The following EPG5 variants were observed in gnomAD, a reference collection of about 807,000 sequenced individuals.
The protein encoded by EPG5 is ectopic P-granules 5 autophagy tethering factor.
EPG5 carries 159 observed loss-of-function variants against 302.7 expected under a neutral mutation model. The ratio of observed to expected loss-of-function variants is 0.53; its 90% CI spans 0.46 to 0.60. EPG5 has a LOEUF of 0.60. Among genes scored for constraint, EPG5 ranks in the 20% least tolerant of loss-of-function variants. The probability of loss-of-function intolerance (pLI) is 0.00; values close to 1 mark genes in which losing one functional copy is unlikely to be tolerated. For synonymous variants in EPG5, 1,158 were observed against 1,136.8 expected (o/e 1.02, Z -0.37); for missense variants, 2,896 against 3,092.4 (o/e 0.94, Z 1.51).
Position 45,878,371 on chromosome 18 carries a change from T to C in EPG5, c.5942+5A>G. 1 of 1,590,942 alleles carries C rather than the reference T, an allele frequency of 6.3e-7. No individual in the cohort carries two copies. The highest frequency in any genetic ancestry group is 8.6e-7 in the Non-Finnish European group (1 of 1,159,814). On this transcript the variant is annotated splice_donor_5th_base_variant and intron_variant, in intron 34 of 43. Transcript: ENST00000282041. ...AGGAATTTGAATATCTAAAAAACTG[T>C]TTACCTTTCGTTGTCCTCTAAAACC...
the EPG5 span, among the ~76,000 whole-genome samples, chr18:45,807,005 C>T: frequency 6.6e-5 from 10 of 152,280 alleles, no homozygotes; most frequent in East Asian, 1.9e-3. Flanking sequence ...TGCCTGGAAA[C>T]AGACTCAGTG....
At chr18:45,880,052 G>C (rs768576972) in intron 32 of EPG5, 23 bp downstream of exon 32, 1 of 1,525,502 alleles carries the variant, frequency 6.6e-7, no homozygotes, top group Middle Eastern at 1.8e-4. Context: ...GCACAAACAC[G>C]TCAGAGACCA....
rs1345737435 is a variant in EPG5, at chr18:45,884,689, T to C, written c.5232A>G (p.Ile1744Met). ...FTPNAAPAEFIQLYEQVVKFL... is the reference protein window; with the variant it reads ...FTPNAAPAEFMQLYEQVVKFL... ...ACTTCACCACTTGCTCATACAGCTGTATGAACTCTGCAGGTGCAGCATTGG... is the reference window on the plus strand; with the variant it reads ...ACTTCACCACTTGCTCATACAGCTGCATGAACTCTGCAGGTGCAGCATTGG... The change falls in exon 30 of 44, where the codon ATA becomes ATG. Residue 1744 changes from isoleucine to methionine, a missense_variant. Ile to Met is a conservative substitution (Grantham distance 10). This residue lies in a region of EPG5 where 790 missense variants were observed against 798.0 expected (regional missense o/e 0.99). Transcript: ENST00000282041. 5 of 1,612,116 alleles carry C rather than the reference T, an allele frequency of 3.1e-6. No homozygotes were observed. The highest frequency in any genetic ancestry group is 8.5e-7 in the Non-Finnish European group (1 of 1,179,322).
intron 26 of EPG5, 31 bp from the exon 27 acceptor site, chr18:45,899,597 G>A (rs773655017): frequency 6.2e-7 from 1 of 1,612,686 alleles, no homozygotes. Flanking sequence ...GTAAAAGAAA[G>A]TCTTAGGAAA....
the EPG5 span, among the ~76,000 whole-genome samples, chr18:45,820,867 C>T: frequency 6.6e-6 from 1 of 152,174 alleles, no homozygotes. Flanking sequence ...CATATTCTTA[C>T]CTGTTTGAGA....
At chr18:45,905,184 T>C (rs559065585) in intron 24 of EPG5, among the ~76,000 whole-genome samples, 64 of 152,334 alleles carry the variant, frequency 4.2e-4, no homozygotes, top group African/African-American at 1.4e-3. Flanking sequence ...CACTTTAGAA[T>C]GGGGGACTGC....
At chr18:45,877,481 G>A (rs1038488366) in intron 34 of EPG5, among the ~76,000 whole-genome samples, 4 of 152,036 alleles carry the variant, frequency 2.6e-5, no homozygotes, top group African/African-American at 4.8e-5. Context: ...AATAGGTTCC[G>A]TTAATTCTTA....
intron 36 of EPG5, among the ~76,000 whole-genome samples, chr18:45,869,147 C>A (rs1291624120): frequency 6.6e-6 from 1 of 151,944 alleles, no homozygotes; most frequent in Non-Finnish European, 1.5e-5. Flanking sequence ...TTAAATACTT[C>A]TAATTTGTTT....
At chr18:45,830,095 C>T in the EPG5 span, among the ~76,000 whole-genome samples, 1 of 152,124 alleles carries the variant, frequency 6.6e-6, no homozygotes, top group Non-Finnish European at 1.5e-5. Flanking sequence ...TCAGCTTTCT[C>T]TCTAGTTAAC....
the EPG5 span, among the ~76,000 whole-genome samples, chr18:45,827,847 A>T: frequency 2.5e-4 from 38 of 152,284 alleles, no homozygotes; most frequent in East Asian, 6.0e-3. Flanking sequence ...AATCAGCAAG[A>T]CACAAAGGAT....
the EPG5 span, among the ~76,000 whole-genome samples, chr18:45,841,751 T>C: frequency 3.3e-5 from 5 of 152,056 alleles, no homozygotes; most frequent in African/African-American, 9.7e-5. Context: ...CGTAGCACAG[T>C]GGACATTGAG....
At position 45,954,670 on chromosome 18, in the gene EPG5, TG is replaced by T; in HGVS notation, c.731del (p.Pro244GlnfsTer9). ...CTAGTTCCAGTTGAGACGGGAGTTC[TG>T]GGTAGAGTCGCTCACTGCGAAGCAA... ...KPLLRSERLY[P>X]ELPSQLELVP... is the part of the protein sequence containing the mutation. On this transcript the variant is annotated frameshift_variant, in exon 2 of 44. Coordinates refer to ENST00000282041, the MANE Select transcript of EPG5 (RefSeq NM_020964.3). LOFTEE classifies it high-confidence loss of function. 1 of 1,614,258 alleles carries T rather than the reference TG, an allele frequency of 6.2e-7. No individual in the cohort carries two copies. The highest frequency in any genetic ancestry group is 1.1e-5 in the South Asian group (1 of 91,086).
At chr18:45,867,812 T>C in intron 36 of EPG5, 64 bp from the exon 37 acceptor site, 31 of 1,387,878 alleles carry the variant, frequency 2.2e-5, no homozygotes, top group Non-Finnish European at 3.0e-5. Flanking sequence ...GGAAAATGTA[T>C]GTAAATTGTT....
intron 43 of EPG5, among the ~76,000 whole-genome samples, chr18:45,854,375 G>A (rs914333184): frequency 6.6e-6 from 1 of 152,222 alleles, no homozygotes; most frequent in Non-Finnish European, 1.5e-5. Context: ...AGTTGCCCCA[G>A]CAGAGGAGCT....
At chr18:45,909,652 A>T (rs948756708) in intron 23 of EPG5, among the ~76,000 whole-genome samples, 1 of 152,206 alleles carries the variant, frequency 6.6e-6, no homozygotes, top group African/African-American at 2.4e-5. Context: ...TTAACCTTTT[A>T]GAGGAGGCAA....
rs1313311091 is a variant in EPG5, at chr18:45,850,215, G to C, written c.*2252C>G. 6.6e-6 allele frequency: 1 copy of C among 152,294 alleles called. No individual in the cohort carries two copies. Among genetic ancestry groups the C allele is most frequent in the African/African-American group, 2.4e-5 (1 of 41,444 alleles). 9.4% of individuals were successfully genotyped at this position (152,294 alleles called of 1,614,324 possible). A position where few individuals can be genotyped will look rare whatever the true frequency, so the allele number is the denominator to read the frequency against. On this transcript the variant is annotated 3_prime_UTR_variant, in exon 44 of 44. Coordinates refer to ENST00000282041, the MANE Select transcript of EPG5 (RefSeq NM_020964.3). The stretch of plus-strand genomic sequence containing the variant: ...GCTCAGTCCACAGGGCCTTGGTCTT[G>C]CTTGATTCCCGTCTTGATGTGCGGC...
chr18:45,956,692 C>T (rs963647674), intron 1 of EPG5, among the ~76,000 whole-genome samples: 2 of 152,058 alleles, frequency 1.3e-5, no homozygotes, highest in African/African-American at 4.8e-5. Context: ...CTCAGCCTCC[C>T]AAAGTGCTGG....
At chr18:45,892,312 A>G (rs1443968946) in intron 27 of EPG5, among the ~76,000 whole-genome samples, 1 of 152,176 alleles carries the variant, frequency 6.6e-6, no homozygotes, top group Non-Finnish European at 1.5e-5. Flanking sequence ...TGAAGGTGAG[A>G]GCAATGGAAT....
chr18:45,958,395 T>C (rs1568191098), intron 1 of EPG5, among the ~76,000 whole-genome samples: 2 of 152,164 alleles, frequency 1.3e-5, no homozygotes, highest in Non-Finnish European at 2.9e-5. Flanking sequence ...AGAACAAAGT[T>C]GGAGAACTCG....
Sources: allele counts gnomAD v4.1 joint callset (sites outside exome capture counted in the v4.1 genomes callset), GRCh38; gene constraint gnomAD v4.1.1; regional missense constraint gnomAD v4.1.1; transcripts MANE v1.5; gene names NCBI Gene and HGNC (gene_info 2026-07-23, HGNC 2026-07-21).